TRIO: variants seen among roughly 807,000 people sequenced by gnomAD.
TRIO encodes triple functional domain protein.
In TRIO, 58 loss-of-function variants were observed where a neutral mutation model predicts 351.9. The observed-to-expected ratio is 0.16, with a 90% CI of 0.13 to 0.21. TRIO has a LOEUF of 0.21. TRIO is among the 10% of genes least tolerant of loss of function. The probability of loss-of-function intolerance (pLI) is 1.00; values close to 1 mark genes in which losing one functional copy is unlikely to be tolerated. For synonymous variants in TRIO, 1,758 were observed against 1,595.7 expected, an observed-to-expected ratio of 1.10 and a Z score of -2.42; for missense variants, 3,201 against 4,027.8, an observed-to-expected ratio of 0.79 and a Z score of 5.56.
intron 55 of TRIO, among the ~76,000 whole-genome samples, chr5:14,506,251 G>A (rs867583677): frequency 1.1e-4 from 16 of 152,214 alleles, no homozygotes; most frequent in Non-Finnish European, 2.2e-4. Context: ...TCATTTCTGG[G>A]AAACAAAATG....
intron 48 of TRIO, among the ~76,000 whole-genome samples, chr5:14,492,027 A>G (rs1756527108): frequency 6.6e-6 from 1 of 152,268 alleles, no homozygotes; most frequent in Admixed American, 6.5e-5. Context: ...GAGACGAAGT[A>G]GAAATGATTA....
At chr5:14,267,160 A>G (rs1395357275) in intron 1 of TRIO, among the ~76,000 whole-genome samples, 3 of 152,170 alleles carry the variant, frequency 2.0e-5, no homozygotes, top group Non-Finnish European at 2.9e-5. Flanking sequence ...CCCTCTGGTT[A>G]TCTCCTCTCA....
At chr5:14,363,472 ATTAT>A (rs1314899000) in intron 13 of TRIO, among the ~76,000 whole-genome samples, 9 of 152,170 alleles carry the variant, frequency 5.9e-5, no homozygotes, top group South Asian at 2.1e-4. Flanking sequence ...AAAGAGAAAA[ATTAT>A]TTATCTTCTC....
intron 40 of TRIO, 31 bp downstream of exon 40, chr5:14,474,128 T>A: frequency 6.3e-7 from 1 of 1,591,956 alleles, no homozygotes; most frequent in Non-Finnish European, 8.6e-7. Context: ...CCCGATGGTG[T>A]GCAAAGCAGC....
Position 14,504,518 on chromosome 5 carries a change from G to A in TRIO, c.8537G>A (p.Ser2846Asn), listed in dbSNP as rs764963809. 9 of 1,614,006 alleles carry A rather than the reference G, an allele frequency of 5.6e-6. No individual in the cohort carries two copies. The highest frequency in any genetic ancestry group is 1.1e-5 in the South Asian group (1 of 91,078). ...QVTHELGILQ[S>N]LQHPLLVGLL... ...ACCCATGAGCTTGGCATCCTGCAGA[G>A]CCTCCAGCACCCCCTGCTTGTCGGC... Residue 2846 changes from serine to asparagine, a missense_variant, in exon 55 of 57, where the codon AGC becomes AAC. By Grantham distance (46) the Ser-to-Asn change is conservative (BLOSUM62 1). Around this residue, in one of 19 missense-constraint regions of TRIO, gnomAD observed 1,089 missense variants for 954.9 expected, o/e 1.14. Transcript: ENST00000344204.
At chr5:14,166,593 C>G (rs956249992) in intron 1 of TRIO, among the ~76,000 whole-genome samples, 1 of 152,158 alleles carries the variant, frequency 6.6e-6, no homozygotes, top group African/African-American at 2.4e-5. Context: ...CTACTCATCC[C>G]TCTGCCCCGA....
chr5:14,448,433 G>A (rs944989680), intron 34 of TRIO, among the ~76,000 whole-genome samples: 5 of 152,350 alleles, frequency 3.3e-5, no homozygotes, highest in East Asian at 3.9e-4. Context: ...AGGCCTAGAC[G>A]TGGCCTTATG....
intron 48 of TRIO, among the ~76,000 whole-genome samples, chr5:14,491,014 G>T (rs776159795): frequency 4.6e-5 from 7 of 152,186 alleles, no homozygotes; most frequent in Non-Finnish European, 8.8e-5. Context: ...GCACCCACAG[G>T]GACAAGAACA....
intron 15 of TRIO, among the ~76,000 whole-genome samples, chr5:14,365,537 A>G (rs1387241905): frequency 1.3e-5 from 2 of 152,222 alleles, no homozygotes; most frequent in Non-Finnish European, 2.9e-5. Context: ...TCAGTCTCCC[A>G]CATGCCATCT....
At chr5:14,473,710 C>A (rs1754844965) in intron 39 of TRIO, among the ~76,000 whole-genome samples, 1 of 152,250 alleles carries the variant, frequency 6.6e-6, no homozygotes, top group African/African-American at 2.4e-5. Context: ...TTAATGAAAC[C>A]ATTTACATTT....
At chr5:14,170,216 CTT>C (rs1189217057) in intron 1 of TRIO, among the ~76,000 whole-genome samples, 1 of 152,086 alleles carries the variant, frequency 6.6e-6, no homozygotes, top group Non-Finnish European at 1.5e-5. Flanking sequence ...ATAAAAAAGA[CTT>C]ATAAAGTTCT....
intron 30 of TRIO, 74 bp downstream of exon 30, chr5:14,399,144 G>T (rs1388241775): frequency 2.2e-6 from 3 of 1,391,278 alleles, no homozygotes; most frequent in Non-Finnish European, 3.1e-6. Flanking sequence ...GAGAAGAATT[G>T]TTCATTGTCT....
intron 1 of TRIO, among the ~76,000 whole-genome samples, chr5:14,258,352 C>T (rs967927479): frequency 3.3e-5 from 5 of 152,188 alleles, no homozygotes; most frequent in African/African-American, 9.6e-5. Flanking sequence ...TGGAATGATG[C>T]TGTAGGTGCA....
chr5:14,488,485 CCTT>C (rs1455876014), intron 48 of TRIO: 31 of 604,162 alleles, frequency 5.1e-5, no homozygotes, highest in Middle Eastern at 9.0e-4. Flanking sequence ...CGATCATTAA[CCTT>C]CTCAACGCAG....
chr5:14,163,084 G>T (rs529849603), intron 1 of TRIO, among the ~76,000 whole-genome samples: 1 of 152,298 alleles, frequency 6.6e-6, no homozygotes, highest in East Asian at 1.9e-4. Context: ...TGCCGTGGTG[G>T]TTTGTTACAC....
chr5:14,414,448 T>C (rs1749469926), intron 33 of TRIO, among the ~76,000 whole-genome samples: 1 of 152,198 alleles, frequency 6.6e-6, no homozygotes, highest in Non-Finnish European at 1.5e-5. Context: ...CACTCAAGTC[T>C]TCCGAGATCA....
chr5:14,485,057 T>G lies in TRIO; in HGVS notation c.6658-12T>G. On this transcript the variant is annotated splice_polypyrimidine_tract_variant and intron_variant, in intron 46 of 56. Coordinates refer to ENST00000344204, the MANE Select transcript of TRIO (RefSeq NM_007118.4). The stretch of plus-strand genomic sequence containing the variant: ...TGTTAGCTATTATGAATAATGTTTT[T>G]TTTTTTTTAAGGTGAGTTGCCTTTG... 1 of 1,531,486 alleles carries G rather than the reference T, an allele frequency of 6.5e-7. No homozygotes were observed. Among genetic ancestry groups the G allele is most frequent in the East Asian group, 2.3e-5 (1 of 43,582 alleles). 94.9% of individuals were successfully genotyped at this position (1,531,486 alleles called of 1,614,324 possible). A position where few individuals can be genotyped will look rare whatever the true frequency, so the allele number is the denominator to read the frequency against.
intron 1 of TRIO, among the ~76,000 whole-genome samples, chr5:14,163,352 A>G (rs1442768856): frequency 6.6e-6 from 1 of 152,140 alleles, no homozygotes; most frequent in East Asian, 1.9e-4. Flanking sequence ...AAATGAACTC[A>G]TTCTTTTTTA....
At chr5:14,158,342 T>A (rs1231902702) in intron 1 of TRIO, among the ~76,000 whole-genome samples, 1 of 151,860 alleles carries the variant, frequency 6.6e-6, no homozygotes, top group East Asian at 1.9e-4. Context: ...GAAGAAGCGC[T>A]TGAACCCGGG....
Sources: gnomAD v4.1 joint callset for allele counts (sites outside exome capture counted in the v4.1 genomes callset) on GRCh38, gnomAD v4.1.1 for gene constraint, gnomAD v4.1.1 regional missense constraint, MANE v1.5 for transcripts, NCBI Gene and HGNC (gene_info 2026-07-23, HGNC 2026-07-21) for gene names.